TMTC2: variants seen among roughly 807,000 people sequenced by gnomAD.
TMTC2 encodes transmembrane O-mannosyltransferase targeting cadherins 2.
In TMTC2, 43 loss-of-function variants were observed where a neutral mutation model predicts 82.4. The observed-to-expected ratio is 0.52, with a 90% CI of 0.41 to 0.67. The LOEUF (loss-of-function observed/expected upper bound fraction) is 0.67, where lower values mean the gene tolerates loss of function less well. TMTC2 is among the 30% of genes least tolerant of loss of function. TMTC2 has a pLI of 0.00. For synonymous variants in TMTC2, 408 were observed against 381.9 expected (o/e 1.07, Z -0.80); for missense variants, 919 against 1,012.4 (o/e 0.91, Z 1.25).
At chr12:82,703,112 C>T (rs1165463331) in intron 1 of TMTC2, among the ~76,000 whole-genome samples, 1 of 152,134 alleles carries the variant, frequency 6.6e-6, no homozygotes, top group Non-Finnish European at 1.5e-5. Context: ...GGGAGGATCA[C>T]TTGATCCCAG....
chr12:83,084,530 G>A (rs1883583689), intron 11 of TMTC2, among the ~76,000 whole-genome samples: 1 of 152,140 alleles, frequency 6.6e-6, no homozygotes, highest in African/African-American at 2.4e-5. Context: ...TAATAATGAT[G>A]ATGGAAACAT....
intron 8 of TMTC2, among the ~76,000 whole-genome samples, chr12:82,997,715 A>T (rs903716204): frequency 6.6e-6 from 1 of 151,802 alleles, no homozygotes; most frequent in South Asian, 2.1e-4. Context: ...CAGTATTCCT[A>T]AAATGTACAA....
intron 1 of TMTC2, among the ~76,000 whole-genome samples, chr12:82,729,323 C>CCA (rs1485397053): frequency 6.6e-6 from 1 of 152,110 alleles, no homozygotes; most frequent in Non-Finnish European, 1.5e-5. Context: ...GTGAATGCAC[C>CCA]CATGACACTC....
At chr12:82,752,050 G>T (rs1218722369) in intron 1 of TMTC2, among the ~76,000 whole-genome samples, 4 of 151,716 alleles carry the variant, frequency 2.6e-5, no homozygotes, top group Non-Finnish European at 4.4e-5. Flanking sequence ...GTAATTTGCA[G>T]TCTGTATTTA....
intron 1 of TMTC2, among the ~76,000 whole-genome samples, chr12:82,830,552 C>T (rs1009288070): frequency 7.2e-5 from 11 of 152,080 alleles, no homozygotes; most frequent in Non-Finnish European, 1.0e-4. Flanking sequence ...TACAATGACA[C>T]CTTACCATGT....
intron 2 of TMTC2, among the ~76,000 whole-genome samples, chr12:82,859,784 T>G (rs1201361102): frequency 6.6e-6 from 1 of 152,178 alleles, no homozygotes; most frequent in East Asian, 1.9e-4. Flanking sequence ...CAGATGGCTC[T>G]TTGCCCAGAC....
intron 11 of TMTC2, among the ~76,000 whole-genome samples, chr12:83,062,840 A>C (rs1450534193): frequency 6.6e-6 from 1 of 151,776 alleles, no homozygotes; most frequent in Non-Finnish European, 1.5e-5. Flanking sequence ...AAAGAGACCT[A>C]TGTGGGAGGT....
chr12:82,707,657 C>T (rs532323809), intron 1 of TMTC2, among the ~76,000 whole-genome samples: 25 of 152,292 alleles, frequency 1.6e-4, no homozygotes, highest in African/African-American at 3.9e-4. Flanking sequence ...TAGGCCAAGG[C>T]CTTGTTCCTG....
chr12:82,956,156 A>G (rs1877601605), intron 4 of TMTC2, among the ~76,000 whole-genome samples: 1 of 152,170 alleles, frequency 6.6e-6, no homozygotes, highest in African/African-American at 2.4e-5. Context: ...CAGACCCTAT[A>G]AAACAACCAC....
intron 11 of TMTC2, among the ~76,000 whole-genome samples, chr12:83,104,151 G>A (rs1198244101): frequency 6.6e-6 from 1 of 152,206 alleles, no homozygotes; most frequent in African/African-American, 2.4e-5. Flanking sequence ...TGGCTTTGCA[G>A]GGTTCAGCCC....
At chr12:82,741,473 G>T (rs1048173298) in intron 1 of TMTC2, among the ~76,000 whole-genome samples, 1 of 152,076 alleles carries the variant, frequency 6.6e-6, no homozygotes, top group Admixed American at 6.6e-5. Flanking sequence ...ACCACGCCTG[G>T]CTAAGTTTTG....
chr12:83,049,562 A>T (rs979658038), intron 9 of TMTC2, among the ~76,000 whole-genome samples: 3 of 152,126 alleles, frequency 2.0e-5, no homozygotes, highest in Admixed American at 2.0e-4. Context: ...CCATTCTACC[A>T]TTGATGAGCA....
intron 2 of TMTC2, among the ~76,000 whole-genome samples, chr12:82,892,847 C>G (rs1045670403): frequency 6.6e-6 from 1 of 152,136 alleles, no homozygotes; most frequent in African/African-American, 2.4e-5. Context: ...TCTCCTTTAT[C>G]TTTGCCAAAT....
intron 1 of TMTC2, among the ~76,000 whole-genome samples, chr12:82,801,580 T>C (rs905934412): frequency 6.6e-6 from 1 of 152,150 alleles, no homozygotes; most frequent in Admixed American, 6.5e-5. Context: ...TGCTGATTAG[T>C]GCGTTTACAA....
At chr12:83,045,727 G>GCGCTCACACACACACACACACACACA (rs1822277751) in intron 9 of TMTC2, among the ~76,000 whole-genome samples, 1 of 142,452 alleles carries the variant, frequency 7.0e-6, no homozygotes, top group Non-Finnish European at 1.5e-5. Flanking sequence ...ACACACACAC[G>GCGCTCACACACACACACACACACACA]CACACACACA....
chr12:83,129,909 T>A (rs1400843939), intron 11 of TMTC2, among the ~76,000 whole-genome samples: 1 of 152,222 alleles, frequency 6.6e-6, no homozygotes, highest in Non-Finnish European at 1.5e-5. Flanking sequence ...CTAGGCAGTC[T>A]GACTCCATAA....
intron 8 of TMTC2, among the ~76,000 whole-genome samples, chr12:83,007,372 C>T (rs943306913): frequency 2.0e-5 from 3 of 152,024 alleles, no homozygotes; most frequent in Non-Finnish European, 2.9e-5. Flanking sequence ...CATTGTATTT[C>T]GTTCTTCTTA....
intron 8 of TMTC2, among the ~76,000 whole-genome samples, chr12:83,028,643 A>G (rs1355089799): frequency 2.6e-5 from 4 of 152,144 alleles, no homozygotes; most frequent in Non-Finnish European, 5.9e-5. Context: ...TTTTTATTAA[A>G]GAAATTATAG....
intron 11 of TMTC2, among the ~76,000 whole-genome samples, chr12:83,079,651 C>T (rs1268642461): frequency 4.6e-5 from 7 of 152,142 alleles, no homozygotes; most frequent in African/African-American, 1.4e-4. Flanking sequence ...CTTCCTCACT[C>T]ATGATTGGAT....
Sources: allele counts gnomAD v4.1 joint callset (sites outside exome capture counted in the v4.1 genomes callset), GRCh38; gene constraint gnomAD v4.1.1; transcripts MANE v1.5; gene names NCBI Gene and HGNC (gene_info 2026-07-23, HGNC 2026-07-21).